FBRSL1: variants seen among roughly 807,000 people sequenced by gnomAD.
FBRSL1 encodes the protein fibrosin-1-like protein.
FBRSL1 carries 51 observed loss-of-function variants against 89.6 expected under a neutral mutation model. The observed-to-expected ratio is 0.57, with a 90% CI of 0.45 to 0.72. The LOEUF (loss-of-function observed/expected upper bound fraction) is 0.72. FBRSL1 is among the 30% of genes least tolerant of loss of function. The pLI is 0.00. For synonymous variants in FBRSL1, 779 were observed against 681.1 expected, an observed-to-expected ratio of 1.14 and a Z score of -2.24; for missense variants, 1,618 against 1,451.8, an observed-to-expected ratio of 1.11 and a Z score of -1.86.
rs1593378853 is a variant in FBRSL1, at chr12:132,534,063, G to A, written c.615+6075G>A. On this transcript the variant is annotated intron_variant, in intron 4 of 18. Coordinates refer to ENST00000680143, the MANE Select transcript of FBRSL1 (RefSeq NM_001367871.1). ...GTACCACTATCCCCCACCACCCCAG[G>A]CTAAGTGACAAAGGGGCTGACCCAC... is the stretch of plus-strand genomic sequence containing the variant. Among the ~76,000 whole-genome samples the A allele has an allele frequency of 4.6e-5, 7 of 152,296 alleles. No individual in the cohort carries two copies. The South Asian group carries it at 1.4e-3, about 32-fold the overall frequency.
Position 132,582,348 on chromosome 12 carries a change from T to TC in FBRSL1, c.2201+87dup. On this transcript the variant is annotated intron_variant, in intron 18 of 18. Transcript: ENST00000680143. ...CCCTCCCGTCATCCCCGGTTCCCCC[T>TC]CCCCCGTTCCCTCTTCTCCCCGTTT... 5.7e-6 allele frequency: 6 copies of TC among 1,061,492 alleles called. No homozygotes were observed. The South Asian group carries it at 9.3e-5, about 16-fold the overall frequency. The allele number at this position is 1,061,492 out of a possible 1,614,324, so 65.8% of individuals were successfully genotyped here.
rs189711347 is a variant in FBRSL1 at position 132,509,982 on chromosome 12, C to A, written c.489+1632C>A. On this transcript the variant is annotated intron_variant, in intron 2 of 18. Transcript: ENST00000680143. ...GCTGGGCCAGCCCAGCCGCCCCCGG[C>A]GGTCGCTGCTGCGCCCCAGGCAGCC... is the stretch of plus-strand genomic sequence containing the variant. The A allele has an allele frequency of 2.2e-4, 268 of 1,231,670 alleles. No individual in the cohort carries two copies. In the Middle Eastern group the frequency reaches 2.5e-3, roughly 11 times the overall value. The allele number at this position is 1,231,670 out of a possible 1,614,324, so 76.3% of individuals were successfully genotyped here. A position where few individuals can be genotyped will look rare whatever the true frequency, so the allele number is the denominator to read the frequency against.
At chr12:132,514,381 C>G (rs1285955445) in intron 2 of FBRSL1, among the ~76,000 whole-genome samples, 1 of 152,220 alleles carries the variant, frequency 6.6e-6, no homozygotes, top group Non-Finnish European at 1.5e-5. Context: ...TCTGGCCTCC[C>G]TGGCGTCTTC....
At chr12:132,561,212 C>A (rs536053387) in intron 5 of FBRSL1, among the ~76,000 whole-genome samples, 1 of 152,306 alleles carries the variant, frequency 6.6e-6, no homozygotes, top group African/African-American at 2.4e-5. Context: ...TCTCAGCCTC[C>A]CTGAGCAAAC....
chr12:132,532,926 C>A (rs1008241735), intron 4 of FBRSL1, among the ~76,000 whole-genome samples: 3 of 152,194 alleles, frequency 2.0e-5, no homozygotes, highest in African/African-American at 7.2e-5. Context: ...GGTCCCGCTG[C>A]CCTCGCTCTG....
chr12:132,571,554 GGGGGCGGGCGT>G, intron 9 of FBRSL1: 9 of 1,341,414 alleles, frequency 6.7e-6, no homozygotes, highest in Non-Finnish European at 8.7e-6. Context: ...GGCAGGGGGC[GGGGGCGGGCGT>G]GGGGCGGGGA....
At chr12:132,538,975 T>A (rs948052271) in intron 4 of FBRSL1, among the ~76,000 whole-genome samples, 2 of 152,086 alleles carry the variant, frequency 1.3e-5, no homozygotes, top group African/African-American at 2.4e-5. Flanking sequence ...CTGCCACAGA[T>A]TCCAGAGCCT....
chr12:132,552,527 C>T (rs532390336), intron 5 of FBRSL1: 2 of 156,082 alleles, frequency 1.3e-5, no homozygotes, highest in South Asian at 1.7e-4. Flanking sequence ...CTGGAGGCCC[C>T]TGCTATGGGG....
chr12:132,547,116 G>A (rs989639908), intron 4 of FBRSL1, among the ~76,000 whole-genome samples: 8 of 152,222 alleles, frequency 5.3e-5, no homozygotes, highest in African/African-American at 1.9e-4. Context: ...ATTGCAGTCA[G>A]TGTGTTCTTC....
intron 2 of FBRSL1, among the ~76,000 whole-genome samples, chr12:132,512,629 A>AC (rs907681949): frequency 2.6e-5 from 4 of 151,942 alleles, no homozygotes; most frequent in African/African-American, 4.8e-5. Context: ...CCCTGCCCCT[A>AC]CCCCCGGGCT....
intron 4 of FBRSL1, among the ~76,000 whole-genome samples, chr12:132,534,544 A>C (rs1388214457): frequency 6.6e-6 from 1 of 152,188 alleles, no homozygotes; most frequent in Non-Finnish European, 1.5e-5. Flanking sequence ...CCTGCCCCAC[A>C]TGTGCCCACA....
intron 5 of FBRSL1, among the ~76,000 whole-genome samples, chr12:132,564,865 G>A (rs1390542625): frequency 6.6e-5 from 10 of 151,686 alleles, no homozygotes; most frequent in Non-Finnish European, 1.0e-4. Context: ...TGCTGACCTC[G>A]TGATCCGCCG....
chr12:132,519,124 A>G (rs1593317467), intron 2 of FBRSL1, among the ~76,000 whole-genome samples: 1 of 152,358 alleles, frequency 6.6e-6, no homozygotes, highest in Admixed American at 6.5e-5. Flanking sequence ...GTCTCTCCCA[A>G]ACATTGCCTG....
chr12:132,509,689 G>T, intron 2 of FBRSL1: 1 of 1,231,574 alleles, frequency 8.1e-7, no homozygotes, highest in South Asian at 4.1e-5. Flanking sequence ...AGGCGCCTGC[G>T]GTCCCTGCTG....
At chr12:132,533,799 C>A (rs2036498594) in intron 4 of FBRSL1, among the ~76,000 whole-genome samples, 1 of 152,234 alleles carries the variant, frequency 6.6e-6, no homozygotes, top group African/African-American at 2.4e-5. Flanking sequence ...AGGGTCCCTG[C>A]CCCCAGGGAG....
Position 132,527,967 on chromosome 12 carries a change from G to A in FBRSL1, c.594G>A (p.Ala198=), listed in dbSNP as rs1297701120. ...RDPLSDSSAH[A]VSGRGYSCDS... ...CCTTCCTGCAGAGCTCTGCGCATGC[G>A]GTCTCGGGGAGAGGCTACTCTGTAA... The change falls in exon 4 of 19, where the codon GCG becomes GCA. Residue 198 remains alanine, a synonymous_variant. Coordinates refer to ENST00000680143, the MANE Select transcript of FBRSL1 (RefSeq NM_001367871.1). The A allele has an allele frequency of 7.1e-6, 11 of 1,551,366 alleles. No individual in the cohort carries two copies. Among genetic ancestry groups the A allele is most frequent in the African/African-American group, 1.4e-5 (1 of 73,094 alleles).
intron 1 of FBRSL1, among the ~76,000 whole-genome samples, chr12:132,493,754 G>A (rs1457000493): frequency 6.6e-6 from 1 of 152,214 alleles, no homozygotes. Flanking sequence ...TCTGTGCCCG[G>A]GGCAGGCCCC....
intron 2 of FBRSL1, chr12:132,511,691 A>T: frequency 1.6e-5 from 16 of 985,350 alleles, no homozygotes; most frequent in Non-Finnish European, 1.9e-5. Flanking sequence ...CAGGAAGGGG[A>T]TGGGTGTCCC....
chr12:132,522,883 G>A (rs1294024197), intron 2 of FBRSL1, among the ~76,000 whole-genome samples: 1 of 152,188 alleles, frequency 6.6e-6, no homozygotes, highest in East Asian at 1.9e-4. Context: ...GGCAGACGGA[G>A]CCACCTTCTG....
Sources: allele counts gnomAD v4.1 joint callset (sites outside exome capture counted in the v4.1 genomes callset), GRCh38; gene constraint gnomAD v4.1.1; transcripts MANE v1.5; gene names NCBI Gene and HGNC (gene_info 2026-07-23, HGNC 2026-07-21).